Variants in MAD1L1 observed in about 807,000 individuals in gnomAD.
MAD1L1 encodes mitotic spindle assembly checkpoint protein MAD1.
In MAD1L1, 95 loss-of-function variants were observed where a neutral mutation model predicts 96.9. The ratio of observed to expected loss-of-function variants is 0.98; its 90% CI spans 0.83 to 1.16. The LOEUF is 1.16. Among genes scored for constraint, MAD1L1 ranks in the 50% most tolerant of loss-of-function variants. The pLI is 0.00. For missense variants in MAD1L1, 1,007 were observed against 954.4 expected (o/e 1.06, Z -0.73); for synonymous variants, 473 against 396.6 (o/e 1.19, Z -2.29).
intron 11 of MAD1L1, among the ~76,000 whole-genome samples, chr7:2,129,180 G>C (rs1235633293): frequency 6.6e-6 from 1 of 152,172 alleles, no homozygotes; most frequent in African/African-American, 2.4e-5. Flanking sequence ...GATCCCGGGG[G>C]AGCTGGGGCC....
chr7:1,828,501 C>T (rs1362256999), intron 18 of MAD1L1, among the ~76,000 whole-genome samples: 5 of 152,332 alleles, frequency 3.3e-5, no homozygotes, highest in Middle Eastern at 3.4e-3. Flanking sequence ...CTCCGGCAGC[C>T]TCGCGGGAAA....
At chr7:1,835,461 C>T (rs373906005) in intron 18 of MAD1L1, among the ~76,000 whole-genome samples, 18 of 151,984 alleles carry the variant, frequency 1.2e-4, no homozygotes, top group Non-Finnish European at 2.2e-4. Flanking sequence ...ATGAGTTTAG[C>T]GAAGTTGCAA....
intron 10 of MAD1L1, among the ~76,000 whole-genome samples, chr7:2,179,968 T>C (rs941802916): frequency 2.9e-5 from 4 of 136,752 alleles, no homozygotes; most frequent in Admixed American, 7.3e-5. Flanking sequence ...CAAAACTCCG[T>C]CTCAAAAAAA....
At chr7:1,899,597 A>C (rs926053417) in intron 17 of MAD1L1, among the ~76,000 whole-genome samples, 7 of 152,216 alleles carry the variant, frequency 4.6e-5, no homozygotes, top group Admixed American at 4.6e-4. Context: ...CAAGGGTTCC[A>C]ACTCCAGGCA....
At chr7:2,070,189 C>G (rs976468528) in intron 11 of MAD1L1, among the ~76,000 whole-genome samples, 7 of 152,244 alleles carry the variant, frequency 4.6e-5, no homozygotes, top group African/African-American at 1.7e-4. Context: ...CCTTCAGGAG[C>G]TGACTTGGGA....
chr7:1,930,856 G>T (rs1301872444), intron 17 of MAD1L1, among the ~76,000 whole-genome samples: 1 of 152,060 alleles, frequency 6.6e-6, no homozygotes, highest in Non-Finnish European at 1.5e-5. Flanking sequence ...ACTTACCCTG[G>T]TCTCTCTCGT....
At chr7:1,900,245 GGC>G (rs951952692) in intron 17 of MAD1L1, among the ~76,000 whole-genome samples, 20 of 152,368 alleles carry the variant, frequency 1.3e-4, no homozygotes, top group Non-Finnish European at 2.4e-4. Context: ...CAAAAGCAAG[GGC>G]GCTGCCTGCC....
chr7:2,168,190 CAGG>C (rs1239506206), intron 10 of MAD1L1, among the ~76,000 whole-genome samples: 6 of 151,974 alleles, frequency 3.9e-5, no homozygotes, highest in African/African-American at 1.5e-4. Context: ...GAGGCTGAGG[CAGG>C]AGAATGGCTT....
intron 12 of MAD1L1, among the ~76,000 whole-genome samples, chr7:2,032,919 G>A (rs1001637684): frequency 1.3e-5 from 2 of 152,248 alleles, no homozygotes; most frequent in African/African-American, 4.8e-5. Context: ...GAGTGTGCAT[G>A]GGGCAGGGGG....
intron 13 of MAD1L1, among the ~76,000 whole-genome samples, chr7:2,010,693 T>C (rs1319587364): frequency 6.6e-6 from 1 of 152,260 alleles, no homozygotes; most frequent in African/African-American, 2.4e-5. Context: ...GACTGGTGTC[T>C]GGTTTAGCTA....
chr7:2,110,783 C>T (rs1181983198), intron 11 of MAD1L1, among the ~76,000 whole-genome samples: 8 of 152,208 alleles, frequency 5.3e-5, no homozygotes, highest in South Asian at 2.1e-4. Flanking sequence ...CAGTGCGGTC[C>T]GAGCAGGGAA....
intron 12 of MAD1L1, among the ~76,000 whole-genome samples, chr7:2,060,250 C>T (rs973879961): frequency 3.3e-5 from 5 of 149,450 alleles, no homozygotes; most frequent in Non-Finnish European, 7.4e-5. Flanking sequence ...TGCCGAGATA[C>T]GCCGATGCCG....
At chr7:1,901,019 A>AG (rs1011889866) in intron 17 of MAD1L1, among the ~76,000 whole-genome samples, 3 of 152,098 alleles carry the variant, frequency 2.0e-5, no homozygotes, top group African/African-American at 7.2e-5. Context: ...ACCCTCTGAC[A>AG]GACAAACCCA....
chr7:2,050,834 C>T (rs1784136545), intron 12 of MAD1L1, among the ~76,000 whole-genome samples: 2 of 152,196 alleles, frequency 1.3e-5, no homozygotes, highest in Admixed American at 6.5e-5. Context: ...TGGCTGTCAC[C>T]TTTAACATCT....
At chr7:1,908,142 A>G (rs970051267) in intron 17 of MAD1L1, among the ~76,000 whole-genome samples, 14 of 152,222 alleles carry the variant, frequency 9.2e-5, no homozygotes, top group African/African-American at 3.4e-4. Flanking sequence ...GGATTCCAGC[A>G]TGACAGGCCC....
chr7:1,869,939 C>T (rs528104099), intron 18 of MAD1L1, among the ~76,000 whole-genome samples: 59 of 152,258 alleles, frequency 3.9e-4, no homozygotes, highest in Non-Finnish European at 6.3e-4. Context: ...GTCCAACAGG[C>T]GGCTGGCTGG....
At chr7:1,938,241 C>T (rs1318537515) in intron 16 of MAD1L1, among the ~76,000 whole-genome samples, 3 of 148,726 alleles carry the variant, frequency 2.0e-5, no homozygotes, top group Non-Finnish European at 3.0e-5. Flanking sequence ...CCCGAGACCC[C>T]GACCTCACGC....
chr7:2,181,271 G>A (rs368896237), intron 10 of MAD1L1, among the ~76,000 whole-genome samples: 1 of 152,338 alleles, frequency 6.6e-6, no homozygotes, highest in South Asian at 2.1e-4. Context: ...CTCTGCCCTT[G>A]CCAGGGCTGG....
Position 2,083,957 on chromosome 7 carries a change from G to C in MAD1L1, c.1074-14619C>G, listed in dbSNP as rs553823835. ...GGAGCTTGGGCAAGAAGGCACTGGG[G>C]AAGCGGGCGCAGACTGGGCATGGAC... On this transcript the variant is annotated intron_variant, in intron 11 of 18. Coordinates refer to ENST00000265854, the MANE Select transcript of MAD1L1 (RefSeq NM_001013836.2). Among the ~76,000 whole-genome samples, 3 of 152,316 alleles carry C rather than the reference G, an allele frequency of 2.0e-5. No individual in the cohort carries two copies. In the East Asian group the frequency reaches 5.8e-4, roughly 29 times the overall value.
Sources: gnomAD v4.1 joint callset for allele counts (sites outside exome capture counted in the v4.1 genomes callset) on GRCh38, gnomAD v4.1.1 for gene constraint, MANE v1.5 for transcripts, NCBI Gene and HGNC (gene_info 2026-07-23, HGNC 2026-07-21) for gene names.